FGF10: variants seen among roughly 807,000 people sequenced by gnomAD.
FGF10 encodes FGF-10.
Under a neutral mutation model 19.8 loss-of-function variants are expected in FGF10, and 2 were observed. The ratio of observed to expected loss-of-function variants is 0.10; its 90% CI spans 0.04 to 0.32. The LOEUF (loss-of-function observed/expected upper bound fraction) is 0.32, where lower values mean the gene tolerates loss of function less well. FGF10 is among the 10% of genes least tolerant of loss of function. The probability of loss-of-function intolerance (pLI) is 1.00; values close to 1 mark genes in which losing one functional copy is unlikely to be tolerated. For missense variants in FGF10, 191 were observed against 246.3 expected (o/e 0.78, Z 1.50); for synonymous variants, 112 against 94.0 (o/e 1.19, Z -1.10).
chr5:44,318,972 A>G (rs1228579211), intron 1 of FGF10, among the ~76,000 whole-genome samples: 1 of 152,206 alleles, frequency 6.6e-6, no homozygotes, highest in African/African-American at 2.4e-5. Flanking sequence ...GAAGAAATCT[A>G]GATATTGTCT....
chr5:44,313,284 G>A (rs1422945905), intron 1 of FGF10, among the ~76,000 whole-genome samples: 11 of 152,036 alleles, frequency 7.2e-5, no homozygotes, highest in Non-Finnish European at 1.6e-4. Flanking sequence ...GGGGAGTTCT[G>A]AAGGACTGAA....
chr5:44,363,666 A>C (rs1459573386), intron 1 of FGF10, among the ~76,000 whole-genome samples: 1 of 151,900 alleles, frequency 6.6e-6, no homozygotes, highest in Non-Finnish European at 1.5e-5. Flanking sequence ...GGTCATTGAT[A>C]ATATCTTTCT....
intron 1 of FGF10, among the ~76,000 whole-genome samples, chr5:44,314,528 A>G (rs938385796): frequency 1.3e-5 from 2 of 151,244 alleles, no homozygotes; most frequent in African/African-American, 2.5e-5. Flanking sequence ...CTCATGATGC[A>G]TCATCACCTT....
At chr5:44,325,946 C>T (rs185827635) in intron 1 of FGF10, among the ~76,000 whole-genome samples, 1 of 152,118 alleles carries the variant, frequency 6.6e-6, no homozygotes, top group Admixed American at 6.5e-5. Flanking sequence ...ATTCAGTACC[C>T]ATCATACAGC....
At chr5:44,306,956 C>A (rs141514425) in intron 2 of FGF10, among the ~76,000 whole-genome samples, 3 of 152,192 alleles carry the variant, frequency 2.0e-5, no homozygotes, top group Admixed American at 6.5e-5. Flanking sequence ...AAACTATATA[C>A]TTTTCAAAGC....
At chr5:44,362,233 G>C (rs771725445) in intron 1 of FGF10, among the ~76,000 whole-genome samples, 1 of 151,538 alleles carries the variant, frequency 6.6e-6, no homozygotes, top group Non-Finnish European at 1.5e-5. Flanking sequence ...GCTACTTTCC[G>C]TCTTCTATTC....
At chr5:44,352,771 T>A (rs1284272302) in intron 1 of FGF10, among the ~76,000 whole-genome samples, 1 of 151,632 alleles carries the variant, frequency 6.6e-6, no homozygotes, top group Non-Finnish European at 1.5e-5. Flanking sequence ...CAGGATTCCC[T>A]CTGTGACTCT....
At chr5:44,309,327 G>A (rs1740156857) in intron 2 of FGF10, among the ~76,000 whole-genome samples, 1 of 152,104 alleles carries the variant, frequency 6.6e-6, no homozygotes, top group African/African-American at 2.4e-5. Context: ...GACACAATAA[G>A]ATGGATCCAC....
At chr5:44,356,063 T>A (rs892192313) in intron 1 of FGF10, among the ~76,000 whole-genome samples, 1 of 151,442 alleles carries the variant, frequency 6.6e-6, no homozygotes, top group Non-Finnish European at 1.5e-5. Flanking sequence ...CTATTCCAGC[T>A]CATAGTCCAT....
intron 1 of FGF10, among the ~76,000 whole-genome samples, chr5:44,318,627 A>G (rs1740411444): frequency 1.3e-5 from 2 of 152,176 alleles, no homozygotes; most frequent in African/African-American, 2.4e-5. Flanking sequence ...AAAATAAGGC[A>G]CAATCATTGC....
chr5:44,388,477 C>T lies in FGF10; in HGVS notation c.206G>A (p.Ser69Asn), dbSNP rs780222015. 1.9e-6 allele frequency: 3 copies of T among 1,613,954 alleles called. No individual in the cohort carries two copies. The highest frequency in any genetic ancestry group is 2.5e-6 in the Non-Finnish European group (3 of 1,180,034). Residue 69 changes from serine to asparagine, a missense_variant, in exon 1 of 3, where the codon AGC becomes AAC. Around this residue, in one of 2 missense-constraint regions of FGF10, gnomAD observed 92 missense variants for 84.6 expected, o/e 1.09. Transcript: ENST00000264664. ...GACATCTCCTTGAAGGTGATTGTAG[C>T]TCCGCACATGCCTTCCCGCGCTGGA... ...SPSSAGRHVRSYNHLQGDVRW... is the reference protein window; with the variant it reads ...SPSSAGRHVRNYNHLQGDVRW...
intron 1 of FGF10, among the ~76,000 whole-genome samples, chr5:44,377,734 T>G (rs1303986037): frequency 1.3e-5 from 2 of 152,236 alleles, no homozygotes; most frequent in Non-Finnish European, 2.9e-5. Flanking sequence ...GAATTTTCAG[T>G]TTTTGAAATA....
chr5:44,323,003 A>G (rs1399893106), intron 1 of FGF10, among the ~76,000 whole-genome samples: 1 of 152,116 alleles, frequency 6.6e-6, no homozygotes, highest in Non-Finnish European at 1.5e-5. Context: ...ACACTGCTAT[A>G]ACTTATAATA....
chr5:44,306,212 A>G (rs958408620), intron 2 of FGF10, among the ~76,000 whole-genome samples: 1 of 152,116 alleles, frequency 6.6e-6, no homozygotes, highest in South Asian at 2.1e-4. Flanking sequence ...CCTGGCCAAC[A>G]TGGTGAAACC....
At position 44,383,876 on chromosome 5, in the gene FGF10, G is replaced by A. The variant is rs959531523; in HGVS notation, c.325+4482C>T. Among the ~76,000 whole-genome samples, 6 of 151,940 alleles carry A rather than the reference G, an allele frequency of 3.9e-5. No individual in the cohort carries two copies. In the South Asian group the frequency reaches 6.2e-4, roughly 16 times the overall value. ...TTTCTTCACAGAAAACTCTTGTGTCGTTATTAGAAGATCACTTCTGAGTTC... is the reference window on the plus strand; with the variant it reads ...TTTCTTCACAGAAAACTCTTGTGTCATTATTAGAAGATCACTTCTGAGTTC... On this transcript the variant is annotated intron_variant, in intron 1 of 2. Transcript: ENST00000264664.
chr5:44,330,689 A>C (rs1486468412), intron 1 of FGF10, among the ~76,000 whole-genome samples: 2 of 152,168 alleles, frequency 1.3e-5, no homozygotes, highest in African/African-American at 2.4e-5. Flanking sequence ...TGAATGCTGA[A>C]GGTAAAGCAT....
chr5:44,364,508 A>G (rs995340000), intron 1 of FGF10, among the ~76,000 whole-genome samples: 3 of 151,854 alleles, frequency 2.0e-5, no homozygotes, highest in Non-Finnish European at 2.9e-5. Context: ...TAGATGTGCT[A>G]CAAAACCCAG....
intron 2 of FGF10, among the ~76,000 whole-genome samples, chr5:44,306,610 C>T (rs1336221574): frequency 1.3e-5 from 2 of 152,114 alleles, no homozygotes; most frequent in Non-Finnish European, 2.9e-5. Flanking sequence ...TACAAAATTC[C>T]AAATTCCTGA....
intron 2 of FGF10, among the ~76,000 whole-genome samples, chr5:44,306,090 T>C (rs1460877031): frequency 6.6e-6 from 1 of 152,138 alleles, no homozygotes; most frequent in Non-Finnish European, 1.5e-5. Context: ...AGTAGCTCAA[T>C]GATCTCAAGA....
Sources: allele counts gnomAD v4.1 joint callset (sites outside exome capture counted in the v4.1 genomes callset), GRCh38; gene constraint gnomAD v4.1.1; regional missense constraint gnomAD v4.1.1; transcripts MANE v1.5; gene names NCBI Gene and HGNC (gene_info 2026-07-23, HGNC 2026-07-21).